PPARD: variants seen among roughly 807,000 people sequenced by gnomAD.
The protein encoded by PPARD is peroxisome proliferator-activated receptor delta.
PPARD carries 6 observed loss-of-function variants against 39.5 expected under a neutral mutation model. The ratio of observed to expected loss-of-function variants is 0.15; its 90% CI spans 0.08 to 0.30. The LOEUF is 0.30. PPARD is among the 10% of genes least tolerant of loss of function. The probability of loss-of-function intolerance (pLI) is 1.00; values close to 1 mark genes in which losing one functional copy is unlikely to be tolerated. For synonymous variants in PPARD, 210 were observed against 231.3 expected (o/e 0.91, Z 0.83); for missense variants, 397 against 596.8 (o/e 0.67, Z 3.49).
intron 1 of PPARD, among the ~76,000 whole-genome samples, chr6:35,343,040 C>T (rs1182725311): frequency 6.6e-6 from 1 of 152,154 alleles, no homozygotes; most frequent in Admixed American, 6.5e-5. Context: ...GGCCCGGGGG[C>T]CTCTCCCATT....
intron 3 of PPARD, among the ~76,000 whole-genome samples, chr6:35,415,418 C>G (rs1318932736): frequency 2.6e-5 from 4 of 152,230 alleles, no homozygotes; most frequent in African/African-American, 4.8e-5. Context: ...GGCATTCTCC[C>G]AGCATTGGAG....
chr6:35,410,572 G>A (rs1394368526), intron 2 of PPARD, among the ~76,000 whole-genome samples: 1 of 152,198 alleles, frequency 6.6e-6, no homozygotes, highest in Non-Finnish European at 1.5e-5. Flanking sequence ...TTGGGCCTGA[G>A]TGCTGATAGG....
chr6:35,406,450 A>G (rs1765055467), intron 2 of PPARD, among the ~76,000 whole-genome samples: 1 of 152,214 alleles, frequency 6.6e-6, no homozygotes, highest in Non-Finnish European at 1.5e-5. Flanking sequence ...TCAGCTGTAG[A>G]TGGAGCAAGG....
chr6:35,413,236 T>A (rs547670318), intron 3 of PPARD, among the ~76,000 whole-genome samples: 1 of 152,290 alleles, frequency 6.6e-6, no homozygotes, highest in South Asian at 2.1e-4. Context: ...CGGTGACCTC[T>A]CAGGCAGCTT....
rs895526446 is a variant in PPARD, at chr6:35,401,206, T to C, written c.-101-9781T>C. Among the ~76,000 whole-genome samples, 1 of 152,080 alleles carries C rather than the reference T, an allele frequency of 6.6e-6. No individual in the cohort carries two copies. The highest frequency in any genetic ancestry group is 1.5e-5 in the Non-Finnish European group (1 of 67,996). On this transcript the variant is annotated intron_variant, in intron 2 of 7. Coordinates refer to ENST00000360694, the MANE Select transcript of PPARD (RefSeq NM_006238.5). This position sits in a 1 kb window ranked among gnomAD's most constrained non-coding sequence, Gnocchi z 4.1. Reference sequence around the variant, plus strand: ...CAGCTCTGAGTCAGGGCCCCATCCCTCAACTCCTCAGCCTGAGTCTTCCCA... The same window carrying C: ...CAGCTCTGAGTCAGGGCCCCATCCCCCAACTCCTCAGCCTGAGTCTTCCCA...
intron 2 of PPARD, 69 bp from the exon 3 acceptor site, chr6:35,410,918 C>T (rs780734927): frequency 4.0e-6 from 5 of 1,251,906 alleles, no homozygotes; most frequent in South Asian, 3.8e-5. Flanking sequence ...CCCAAGCGTG[C>T]CCCACTCGCA....
At position 35,425,511 on chromosome 6, in the gene PPARD, C is replaced by A; in HGVS notation, c.1079-321C>A. The A allele has an allele frequency of 2.1e-6, 2 of 962,518 alleles. No homozygotes were observed. The highest frequency in any genetic ancestry group is 2.8e-6 in the Non-Finnish European group (2 of 725,626). 59.6% of individuals were successfully genotyped at this position (962,518 alleles called of 1,614,324 possible). On this transcript the variant is annotated intron_variant, in intron 7 of 7. Coordinates refer to ENST00000360694, the MANE Select transcript of PPARD (RefSeq NM_006238.5). The surrounding 1 kb of genome is among the most constrained non-coding windows in gnomAD (Gnocchi z 4.5). The stretch of plus-strand genomic sequence containing the variant: ...AAGAATGTTTTGTGTCTCCATTTTA[C>A]ACATCAGAGAGGCTGAATGACCTGC...
chr6:35,350,001 C>T (rs1761141781), intron 2 of PPARD, among the ~76,000 whole-genome samples: 2 of 152,186 alleles, frequency 1.3e-5, no homozygotes, highest in South Asian at 4.1e-4. Context: ...CTCAGCCTCC[C>T]AAAATGTTGG....
At chr6:35,409,957 G>A (rs1765318482) in intron 2 of PPARD, among the ~76,000 whole-genome samples, 1 of 152,188 alleles carries the variant, frequency 6.6e-6, no homozygotes, top group African/African-American at 2.4e-5. Context: ...GTGTACAGCC[G>A]AGTTGGCAGG....
intron 2 of PPARD, chr6:35,348,372 G>A: frequency 1.0e-6 from 1 of 985,396 alleles, no homozygotes. Context: ...GGGGTAGGAG[G>A]TTCTCACCAA....
chr6:35,409,380 C>T (rs1765274740), intron 2 of PPARD, among the ~76,000 whole-genome samples: 1 of 151,874 alleles, frequency 6.6e-6, no homozygotes. Context: ...TAGTGCACAC[C>T]TGTGGTCCCA....
At position 35,415,609 on chromosome 6, in the gene PPARD, TG is replaced by T. The variant is rs1405306059; in HGVS notation, c.130+4393del. On this transcript the variant is annotated intron_variant, in intron 3 of 7. Transcript: ENST00000360694. The stretch of plus-strand genomic sequence containing the variant: ...CATGGTGCCTCCTCAGCAGTGACTG[TG>T]TCTTCTTGTTCATCATAATAATGTT... Among the ~76,000 whole-genome samples, 5 of 152,210 alleles carry T rather than the reference TG, an allele frequency of 3.3e-5. No individual in the cohort carries two copies. The East Asian group carries it at 9.6e-4, about 29-fold the overall frequency.
chr6:35,349,000 G>C, intron 2 of PPARD: 4 of 985,086 alleles, frequency 4.1e-6, no homozygotes, highest in Non-Finnish European at 4.8e-6. Flanking sequence ...GCTCCCAGTC[G>C]CAGGTAGGAA....
At chr6:35,411,953 A>G (rs1386699930) in intron 3 of PPARD, among the ~76,000 whole-genome samples, 1 of 152,026 alleles carries the variant, frequency 6.6e-6, no homozygotes, top group African/African-American at 2.4e-5. Flanking sequence ...TTTTGAGACA[A>G]AGTCTCCTTC....
chr6:35,383,968 A>G (rs370361621), intron 2 of PPARD, among the ~76,000 whole-genome samples: 4 of 119,554 alleles, frequency 3.3e-5, no homozygotes, highest in Non-Finnish European at 6.3e-5. Flanking sequence ...CCAGGCCAGC[A>G]GCCCCATCCG....
intron 1 of PPARD, among the ~76,000 whole-genome samples, chr6:35,345,989 G>A (rs1356105645): frequency 2.0e-5 from 3 of 146,586 alleles, no homozygotes; most frequent in Non-Finnish European, 4.4e-5. Context: ...CCATTCTTCT[G>A]CCTCAGCCTC....
intron 2 of PPARD, among the ~76,000 whole-genome samples, chr6:35,368,594 C>A (rs1762324950): frequency 1.3e-5 from 2 of 152,170 alleles, no homozygotes; most frequent in Admixed American, 6.5e-5. Context: ...CCAATGACTT[C>A]CAGAGGCTGG....
chr6:35,425,246 C>T lies in PPARD; in HGVS notation c.1078+467C>T. The stretch of plus-strand genomic sequence containing the variant: ...CCAAAATCCCACCACTGCACTCCAG[C>T]CTGGGTGACAGAGTGAGACCCTGTC... On this transcript the variant is annotated intron_variant, in intron 7 of 7. Transcript: ENST00000360694. The surrounding 1 kb of genome is among the most constrained non-coding windows in gnomAD (Gnocchi z 4.5). 1.0e-6 allele frequency: 1 copy of T among 999,384 alleles called. No individual in the cohort carries two copies. 61.9% of individuals were successfully genotyped at this position (999,384 alleles called of 1,614,324 possible).
chr6:35,423,555 A>G (rs1377612484), intron 5 of PPARD, among the ~76,000 whole-genome samples: 2 of 151,930 alleles, frequency 1.3e-5, no homozygotes, highest in East Asian at 3.9e-4. Context: ...AGAAAAGAAA[A>G]AGAAAAGTGA....
Sources: allele counts gnomAD v4.1 joint callset (sites outside exome capture counted in the v4.1 genomes callset), GRCh38; gene constraint gnomAD v4.1.1; non-coding constraint Gnocchi (gnomAD v3.1); transcripts MANE v1.5; gene names NCBI Gene and HGNC (gene_info 2026-07-23, HGNC 2026-07-21).